Variants in GRID2 observed in about 807,000 individuals in gnomAD.
GRID2 encodes the protein glutamate receptor ionotropic, delta-2.
A neutral mutation model predicts 114.8 loss-of-function variants in GRID2; 33 were observed. That is an observed-to-expected ratio of 0.29 (90% CI 0.22 to 0.38). The LOEUF (loss-of-function observed/expected upper bound fraction) is 0.38. Among genes scored for constraint, GRID2 ranks in the 10% least tolerant of loss-of-function variants. GRID2 has a pLI of 1.00. For synonymous variants in GRID2, 505 were observed against 449.9 expected (o/e 1.12, Z -1.55); for missense variants, 1,184 against 1,257.7 (o/e 0.94, Z 0.89).
chr4:93,619,286 A>G (rs1175576574), intron 13 of GRID2, among the ~76,000 whole-genome samples: 1 of 152,228 alleles, frequency 6.6e-6, no homozygotes, highest in African/African-American at 2.4e-5. Context: ...AGAATTGATG[A>G]ATGCTGCTAA....
chr4:92,890,090 C>T (rs767416922), intron 2 of GRID2, among the ~76,000 whole-genome samples: 1 of 152,130 alleles, frequency 6.6e-6, no homozygotes, highest in African/African-American at 2.4e-5. Flanking sequence ...TGGACCCCAT[C>T]CTTACACCTT....
chr4:93,605,713 G>A (rs1380642805), intron 13 of GRID2, among the ~76,000 whole-genome samples: 2 of 152,330 alleles, frequency 1.3e-5, no homozygotes, highest in Middle Eastern at 3.4e-3. Flanking sequence ...AGACATAGGA[G>A]AGGTGATGAT....
chr4:93,479,932 C>G (rs1467080237), intron 11 of GRID2, among the ~76,000 whole-genome samples: 1 of 152,024 alleles, frequency 6.6e-6, no homozygotes, highest in Non-Finnish European at 1.5e-5. Context: ...TTACCTATCA[C>G]TATTTTTTCA....
At chr4:93,748,079 A>G (rs1732002944) in intron 14 of GRID2, among the ~76,000 whole-genome samples, 1 of 152,140 alleles carries the variant, frequency 6.6e-6, no homozygotes, top group South Asian at 2.1e-4. Flanking sequence ...ATAAGTATAA[A>G]AAGTGTTATG....
chr4:92,323,780 C>T (rs898190734), intron 1 of GRID2, among the ~76,000 whole-genome samples: 3 of 152,010 alleles, frequency 2.0e-5, no homozygotes, highest in African/African-American at 7.2e-5. Context: ...ATCATAGGCT[C>T]ATTCATGGAA....
chr4:93,799,344 C>T (rs1240871537), intron 1 of GRID2, among the ~76,000 whole-genome samples: 1 of 152,048 alleles, frequency 6.6e-6, no homozygotes, highest in Non-Finnish European at 1.5e-5. Flanking sequence ...TCCAAGACTG[C>T]TTCTTTTGTA....
At chr4:92,930,933 A>G (rs1750184411) in intron 2 of GRID2, among the ~76,000 whole-genome samples, 1 of 151,068 alleles carries the variant, frequency 6.6e-6, no homozygotes, top group South Asian at 2.1e-4. Context: ...AATTCTATCA[A>G]GCATTTGGGG....
At chr4:93,237,065 G>A (rs983953243) in intron 7 of GRID2, among the ~76,000 whole-genome samples, 2 of 151,756 alleles carry the variant, frequency 1.3e-5, no homozygotes, top group African/African-American at 2.4e-5. Context: ...TAGTGTTTGA[G>A]GCATAAATGA....
At chr4:92,952,990 T>C (rs1241378041) in intron 2 of GRID2, among the ~76,000 whole-genome samples, 1 of 151,754 alleles carries the variant, frequency 6.6e-6, no homozygotes, top group Non-Finnish European at 1.5e-5. Flanking sequence ...CAACTGGCAT[T>C]TTTTTTTACT....
chr4:93,025,814 A>G (rs1196636642), intron 2 of GRID2, among the ~76,000 whole-genome samples: 1 of 151,704 alleles, frequency 6.6e-6, no homozygotes, highest in Non-Finnish European at 1.5e-5. Context: ...TTGAACCATG[A>G]TAGATTTATC....
intron 11 of GRID2, among the ~76,000 whole-genome samples, chr4:93,481,353 G>A (rs183535623): frequency 6.6e-6 from 1 of 152,058 alleles, no homozygotes; most frequent in African/African-American, 2.4e-5. Context: ...CAATGCATGA[G>A]ATATCTTATA....
At chr4:92,398,047 A>G (rs1730591463) in intron 1 of GRID2, among the ~76,000 whole-genome samples, 1 of 152,084 alleles carries the variant, frequency 6.6e-6, no homozygotes, top group South Asian at 2.1e-4. Context: ...ATATGCTGGC[A>G]CACACACACA....
intron 2 of GRID2, among the ~76,000 whole-genome samples, chr4:92,899,043 T>G (rs1421663015): frequency 6.6e-6 from 1 of 152,132 alleles, no homozygotes; most frequent in East Asian, 1.9e-4. Flanking sequence ...AATATCAAAA[T>G]TTAACATCAG....
intron 1 of GRID2, among the ~76,000 whole-genome samples, chr4:92,393,608 A>T (rs935360357): frequency 2.0e-5 from 3 of 151,728 alleles, no homozygotes; most frequent in Non-Finnish European, 4.4e-5. Flanking sequence ...TTTTCTGTTC[A>T]CTCCATGTTT....
chr4:93,191,233 G>A (rs1740951039), intron 4 of GRID2, among the ~76,000 whole-genome samples: 2 of 152,000 alleles, frequency 1.3e-5, no homozygotes, highest in African/African-American at 2.4e-5. Flanking sequence ...CTGGTAGTAT[G>A]TATGATGAAA....
intron 2 of GRID2, among the ~76,000 whole-genome samples, chr4:92,828,864 TG>T (rs1460687643): frequency 2.6e-5 from 4 of 152,110 alleles, no homozygotes; most frequent in South Asian, 2.1e-4. Flanking sequence ...TGGAGTTGTT[TG>T]TTTTTTTCTT....
intron 2 of GRID2, among the ~76,000 whole-genome samples, chr4:92,774,249 G>A (rs1170749804): frequency 1.3e-5 from 2 of 152,044 alleles, no homozygotes; most frequent in Non-Finnish European, 1.5e-5. Flanking sequence ...AGGCCATGGA[G>A]GGAGAGCATT....
At chr4:92,710,632 T>G (rs1735200571) in intron 2 of GRID2, among the ~76,000 whole-genome samples, 1 of 152,198 alleles carries the variant, frequency 6.6e-6, no homozygotes, top group Non-Finnish European at 1.5e-5. Flanking sequence ...TTCGTATGTT[T>G]GAAGCCAATG....
chr4:93,251,451 G>A (rs544953365), intron 8 of GRID2, among the ~76,000 whole-genome samples: 1 of 152,050 alleles, frequency 6.6e-6, no homozygotes, highest in Non-Finnish European at 1.5e-5. Context: ...CTTATTTTAA[G>A]CAAAACTGTA....
Sources: gnomAD v4.1 joint callset for allele counts (sites outside exome capture counted in the v4.1 genomes callset) on GRCh38, gnomAD v4.1.1 for gene constraint, MANE v1.5 for transcripts, NCBI Gene and HGNC (gene_info 2026-07-23, HGNC 2026-07-21) for gene names.